The following NDUFAF2 variants were observed in gnomAD, a reference collection of about 807,000 sequenced individuals.
NDUFAF2 encodes the protein NADH dehydrogenase [ubiquinone] 1 alpha subcomplex assembly factor 2.
In NDUFAF2, 13 loss-of-function variants were observed where a neutral mutation model predicts 22.8. The observed-to-expected ratio is 0.57, with a 90% confidence interval of 0.37 to 0.91. The LOEUF is 0.91. Ranked by LOEUF, NDUFAF2 falls within the 40% of genes least tolerant of loss-of-function variation. The probability of loss-of-function intolerance (pLI) is 0.01; values close to 1 mark genes in which losing one functional copy is unlikely to be tolerated. For synonymous variants in NDUFAF2, 53 were observed against 64.2 expected (o/e 0.83, Z 0.84); for missense variants, 162 against 195.2 (o/e 0.83, Z 1.01).
At chr5:61,056,919 A>AAATATAT (rs1752105032) in intron 1 of NDUFAF2, among the ~76,000 whole-genome samples, 2 of 28,814 alleles carry the variant, frequency 6.9e-5, no homozygotes, top group African/African-American at 3.2e-4. Context: ...AAAAAAAAAA[A>AAATATAT]ATATATATAT....
chr5:61,056,639 G>A (rs1168322412), intron 1 of NDUFAF2, among the ~76,000 whole-genome samples: 1 of 151,764 alleles, frequency 6.6e-6, no homozygotes, highest in East Asian at 1.9e-4. Flanking sequence ...TGTAATCCCA[G>A]CACTTTGGGA....
At chr5:61,065,397 A>G (rs1752215260) in intron 1 of NDUFAF2, among the ~76,000 whole-genome samples, 1 of 152,082 alleles carries the variant, frequency 6.6e-6, no homozygotes, top group Non-Finnish European at 1.5e-5. Context: ...AAGACATCAA[A>G]AGAACTACAG....
chr5:61,040,286 A>ACACACACACACACGCGCGCGCGCGCGCG (rs1491193758), intron 1 of NDUFAF2, among the ~76,000 whole-genome samples: 5 of 93,074 alleles, frequency 5.4e-5, no homozygotes, highest in African/African-American at 2.2e-4. Context: ...ACACACACAC[A>ACACACACACACACGCGCGCGCGCGCGCG]CGCGCGCGCG....
intron 1 of NDUFAF2, among the ~76,000 whole-genome samples, chr5:61,031,032 G>A (rs990786114): frequency 2.0e-5 from 3 of 151,854 alleles, no homozygotes; most frequent in Non-Finnish European, 4.4e-5. Flanking sequence ...TCCTTTGGCT[G>A]CTTTTTTAAA....
At chr5:61,086,886 T>C (rs887742474) in intron 2 of NDUFAF2, among the ~76,000 whole-genome samples, 2 of 152,150 alleles carry the variant, frequency 1.3e-5, no homozygotes, top group African/African-American at 4.8e-5. Flanking sequence ...ATCGAACTTA[T>C]ATTCAGAATA....
intron 3 of NDUFAF2, among the ~76,000 whole-genome samples, chr5:61,140,800 T>C (rs1206071505): frequency 2.0e-5 from 3 of 152,216 alleles, no homozygotes; most frequent in Non-Finnish European, 4.4e-5. Context: ...GCTGCTTTAC[T>C]CCTTCATACC....
chr5:61,104,494 G>A (rs71630093), intron 3 of NDUFAF2, among the ~76,000 whole-genome samples: 3 of 151,944 alleles, frequency 2.0e-5, no homozygotes, highest in African/African-American at 4.8e-5. Context: ...TTCTAGAAAC[G>A]AATAGAGAAT....
intron 1 of NDUFAF2, among the ~76,000 whole-genome samples, chr5:60,989,426 A>G (rs1479360534): frequency 1.3e-5 from 2 of 152,186 alleles, no homozygotes; most frequent in Non-Finnish European, 2.9e-5. Context: ...AGGAATATAA[A>G]TCGTTCTACC....
intron 3 of NDUFAF2, among the ~76,000 whole-genome samples, chr5:61,103,546 G>A (rs1752728043): frequency 6.6e-6 from 1 of 151,644 alleles, no homozygotes; most frequent in Non-Finnish European, 1.5e-5. Context: ...TTTGGCACAG[G>A]GATTATAACT....
chr5:61,056,582 A>G (rs1239407895), intron 1 of NDUFAF2, among the ~76,000 whole-genome samples: 1 of 152,020 alleles, frequency 6.6e-6, no homozygotes, highest in East Asian at 1.9e-4. Flanking sequence ...GTTTAAACGA[A>G]TGACTAAAAT....
intron 1 of NDUFAF2, among the ~76,000 whole-genome samples, chr5:61,056,628 C>CT (rs1395512190): frequency 1.3e-5 from 2 of 151,910 alleles, no homozygotes; most frequent in East Asian, 3.9e-4. Context: ...TGGCCCACAC[C>CT]TGTAATCCCA....
chr5:61,071,885 C>G (rs1015822792), intron 1 of NDUFAF2, among the ~76,000 whole-genome samples: 1 of 152,172 alleles, frequency 6.6e-6, no homozygotes, highest in Non-Finnish European at 1.5e-5. Context: ...TTTGATAAAG[C>G]TGCTTTGAAA....
chr5:61,142,220 A>T (rs1007588994), intron 3 of NDUFAF2, among the ~76,000 whole-genome samples: 3 of 152,150 alleles, frequency 2.0e-5, no homozygotes, highest in African/African-American at 7.2e-5. Flanking sequence ...TTGTGTCTTT[A>T]TGCTTAGAGG....
intron 1 of NDUFAF2, among the ~76,000 whole-genome samples, chr5:60,963,058 G>A (rs997624557): frequency 1.3e-5 from 2 of 151,630 alleles, no homozygotes; most frequent in African/African-American, 4.8e-5. Context: ...GCTAATTTTT[G>A]TATTTTTAGT....
Position 60,961,322 on chromosome 5 carries a change from A to C in NDUFAF2, c.127+15940A>C, listed in dbSNP as rs527664356. 2.0e-5 allele frequency among the ~76,000 whole-genome samples: 3 copies of C among 152,096 alleles called. No individual in the cohort carries two copies. In the South Asian group the frequency reaches 6.2e-4, roughly 32 times the overall value. On this transcript the variant is annotated intron_variant, in intron 1 of 3. Coordinates refer to ENST00000296597, the MANE Select transcript of NDUFAF2 (RefSeq NM_174889.5). ...TAAAAATACAAAAATTAGGCCGGGC[A>C]CGGTGGCTCACGCCTGTAATCCCAG... is the stretch of plus-strand genomic sequence containing the variant.
chr5:60,968,393 T>C (rs1750785204), intron 1 of NDUFAF2, among the ~76,000 whole-genome samples: 1 of 151,906 alleles, frequency 6.6e-6, no homozygotes, highest in Non-Finnish European at 1.5e-5. Context: ...CTAAGTTTAG[T>C]TTGTTCTTTT....
intron 1 of NDUFAF2, among the ~76,000 whole-genome samples, chr5:61,046,977 A>G (rs999308220): frequency 6.6e-6 from 1 of 152,110 alleles, no homozygotes; most frequent in Non-Finnish European, 1.5e-5. Context: ...CTTTGATCCT[A>G]AAATCACTAC....
chr5:61,070,546 G>C (rs1219213275), intron 1 of NDUFAF2, among the ~76,000 whole-genome samples: 3 of 151,558 alleles, frequency 2.0e-5, no homozygotes, highest in Admixed American at 6.6e-5. Context: ...TTTATTCAGT[G>C]ATTGTCCTGA....
intron 1 of NDUFAF2, among the ~76,000 whole-genome samples, chr5:61,018,531 C>A (rs1033284448): frequency 1.3e-5 from 2 of 152,090 alleles, no homozygotes; most frequent in African/African-American, 4.8e-5. Flanking sequence ...TTAAGTTCAT[C>A]AAATTTTATT....
Sources: allele counts gnomAD v4.1 joint callset (sites outside exome capture counted in the v4.1 genomes callset), GRCh38; gene constraint gnomAD v4.1.1; transcripts MANE v1.5; gene names NCBI Gene and HGNC (gene_info 2026-07-23, HGNC 2026-07-21).